NEXMIF: variants seen among roughly 807,000 people sequenced by gnomAD.
NEXMIF encodes the protein XLMR protein related to neurite extension.
NEXMIF carries 8 observed loss-of-function variants against 62.1 expected under a neutral mutation model. The observed-to-expected ratio is 0.13, with a 90% confidence interval of 0.08 to 0.23. NEXMIF has a LOEUF of 0.23. Among genes scored for constraint, NEXMIF ranks in the 10% least tolerant of loss-of-function variants. The probability of loss-of-function intolerance (pLI) is 1.00; values close to 1 mark genes in which losing one functional copy is unlikely to be tolerated. For synonymous variants in NEXMIF, 404 were observed against 416.6 expected (o/e 0.97, Z 0.37); for missense variants, 976 against 1,113.3 (o/e 0.88, Z 1.75).
intron 1 of NEXMIF, among the ~76,000 whole-genome samples, chrX:74,792,906 T>A (rs1274490623): frequency 9.5e-6 from 1 of 105,288 alleles, no homozygotes; most frequent in Non-Finnish European, 1.9e-5. Context: ...TACAGTACAC[T>A]GATGGGTCTT....
At chrX:74,750,114 G>A (rs1285816287) in intron 1 of NEXMIF, among the ~76,000 whole-genome samples, 1 of 111,388 alleles carries the variant, frequency 9.0e-6, no homozygotes, top group African/African-American at 3.3e-5. Flanking sequence ...AGGAAAAAAT[G>A]TTCAGGTGTG....
intron 1 of NEXMIF, among the ~76,000 whole-genome samples, chrX:74,827,728 A>AAT (rs1295158125): frequency 8.9e-6 from 1 of 112,069 alleles, no homozygotes; most frequent in Non-Finnish European, 1.9e-5. Context: ...TCAAGCTACC[A>AAT]ATCACTAAAC....
chrX:74,904,999 G>A (rs1346143702), intron 1 of NEXMIF, among the ~76,000 whole-genome samples: 1 of 111,108 alleles, frequency 9.0e-6, no homozygotes, highest in Admixed American at 9.6e-5. Context: ...GAGCTCTCTG[G>A]TCCTAAGAGC....
chrX:74,858,354 G>A (rs2080543122), intron 1 of NEXMIF, among the ~76,000 whole-genome samples: 1 of 111,840 alleles, frequency 8.9e-6, no homozygotes. Flanking sequence ...AGAAAGTAAG[G>A]GAAGAAAACA....
At chrX:74,795,548 A>T (rs1438723876) in intron 1 of NEXMIF, among the ~76,000 whole-genome samples, 1 of 111,829 alleles carries the variant, frequency 8.9e-6, no homozygotes, top group Non-Finnish European at 1.9e-5. Flanking sequence ...GAACTGGTTG[A>T]TAACAGAGGG....
intron 1 of NEXMIF, among the ~76,000 whole-genome samples, chrX:74,916,751 A>T (rs1293969406): frequency 8.9e-6 from 1 of 112,152 alleles, no homozygotes; most frequent in Non-Finnish European, 1.9e-5. Flanking sequence ...ACAGACTAAG[A>T]CATTTACCAA....
chrX:74,840,390 AG>A (rs759313157), intron 1 of NEXMIF, among the ~76,000 whole-genome samples: 2 of 111,828 alleles, frequency 1.8e-5, no homozygotes, highest in East Asian at 5.6e-4. Flanking sequence ...ACACAAATAA[AG>A]GGAAAAACAT....
intron 1 of NEXMIF, among the ~76,000 whole-genome samples, chrX:74,746,262 C>A (rs2080125850): frequency 8.9e-6 from 1 of 112,194 alleles, no homozygotes; most frequent in East Asian, 2.8e-4. Context: ...GGTTTCTCGA[C>A]TTCCAGGACT....
intron 1 of NEXMIF, among the ~76,000 whole-genome samples, chrX:74,795,048 G>A (rs773844622): frequency 8.9e-6 from 1 of 112,073 alleles, no homozygotes; most frequent in Admixed American, 9.5e-5. Context: ...TGGTGTGAGA[G>A]TGATCACTAT....
chrX:74,807,609 C>T (rs1029949805), intron 1 of NEXMIF, among the ~76,000 whole-genome samples: 2 of 111,483 alleles, frequency 1.8e-5, no homozygotes, highest in Non-Finnish European at 3.8e-5. Context: ...ATTACAGACA[C>T]GTGCCACCAC....
At chrX:74,760,430 T>G (rs761634805) in intron 1 of NEXMIF, among the ~76,000 whole-genome samples, 9 of 111,871 alleles carry the variant, frequency 8.0e-5, no homozygotes, top group Non-Finnish European at 1.1e-4. Context: ...ATATGTTGAA[T>G]AGGAACGGTG....
intron 2 of NEXMIF, among the ~76,000 whole-genome samples, chrX:74,745,367 G>T (rs1418817724): frequency 1.8e-5 from 2 of 111,380 alleles, no homozygotes; most frequent in Non-Finnish European, 3.8e-5. Context: ...GATATGATTT[G>T]GGAGGGCAAA....
chrX:74,739,489 G>A lies in NEXMIF; in HGVS notation c.4467C>T (p.Asp1489=), dbSNP rs373339344. ...TASFEKLRDS[D]YNLLKAETTF... Reference sequence around the variant, plus strand: ...TTGTTTCTGCTTTTAGGAGATTGTAGTCGGAATCCCTGCAGAAAAATCAAA... The same window carrying A: ...TTGTTTCTGCTTTTAGGAGATTGTAATCGGAATCCCTGCAGAAAAATCAAA... The change falls in exon 4 of 4, where the codon GAC becomes GAT. Residue 1489 remains aspartate (D), a synonymous_variant. Coordinates refer to ENST00000055682, the MANE Select transcript of NEXMIF (RefSeq NM_001008537.3). 2 of 1,186,410 alleles carry A rather than the reference G, an allele frequency of 1.7e-6. No individual in the cohort carries two copies. The highest frequency in any genetic ancestry group is 3.6e-5 in the African/African-American group (2 of 55,752).
At chrX:74,812,297 C>T (rs1445583958) in intron 1 of NEXMIF, among the ~76,000 whole-genome samples, 1 of 111,918 alleles carries the variant, frequency 8.9e-6, no homozygotes, top group African/African-American at 3.2e-5. Flanking sequence ...AAACTATACA[C>T]ACATATACAT....
At chrX:74,850,513 C>T (rs2080509267) in intron 1 of NEXMIF, among the ~76,000 whole-genome samples, 1 of 112,057 alleles carries the variant, frequency 8.9e-6, no homozygotes, top group South Asian at 3.7e-4. Context: ...GGCCTGATGA[C>T]ATTCCTACCT....
intron 1 of NEXMIF, among the ~76,000 whole-genome samples, chrX:74,875,952 G>C (rs1460471082): frequency 9.0e-6 from 1 of 111,008 alleles, no homozygotes; most frequent in Non-Finnish European, 1.9e-5. Flanking sequence ...CCAGCTCCTA[G>C]ATTCATTAAT....
In NEXMIF at chrX:74,735,299, C is replaced by T. The variant is rs1237236717; in HGVS notation, c.*4106G>A. 8.9e-6 allele frequency: 1 copy of T among 111,774 alleles called. No individual in the cohort carries two copies. Among genetic ancestry groups the T allele is most frequent in the Non-Finnish European group, 1.9e-5 (1 of 53,200 alleles). 9.2% of individuals were successfully genotyped at this position (111,774 alleles called of 1,213,427 possible). On this transcript the variant is annotated 3_prime_UTR_variant, in exon 4 of 4. Transcript: ENST00000055682. Reference sequence around the variant, plus strand: ...TCCTCTTCAGCATAAAAACTTAGCTCTCTTCAATTCTTGGAACTGTTCTGA... The same window carrying T: ...TCCTCTTCAGCATAAAAACTTAGCTTTCTTCAATTCTTGGAACTGTTCTGA...
intron 1 of NEXMIF, among the ~76,000 whole-genome samples, chrX:74,873,771 T>C (rs2080614993): frequency 1.8e-5 from 2 of 112,540 alleles, no homozygotes; most frequent in Admixed American, 1.9e-4. Context: ...CATGTGTTTT[T>C]TGGCTGCATA....
At chrX:74,865,315 T>G (rs2080574311) in intron 1 of NEXMIF, among the ~76,000 whole-genome samples, 1 of 111,681 alleles carries the variant, frequency 9.0e-6, no homozygotes. Context: ...GGAAAGTGAC[T>G]GTTGTTATGA....
Sources: gnomAD v4.1 joint callset for allele counts (sites outside exome capture counted in the v4.1 genomes callset) on GRCh38, gnomAD v4.1.1 for gene constraint, MANE v1.5 for transcripts, NCBI Gene and HGNC (gene_info 2026-07-23, HGNC 2026-07-21) for gene names.